AOPEP: variants seen among roughly 807,000 people sequenced by gnomAD.
AOPEP encodes aminopeptidase O.
Under a neutral mutation model 98.1 loss-of-function variants are expected in AOPEP, and 77 were observed. That is an observed-to-expected ratio of 0.78 (90% confidence interval 0.65 to 0.95). The LOEUF (loss-of-function observed/expected upper bound fraction) is 0.95, where lower values mean the gene tolerates loss of function less well. Among genes scored for constraint, AOPEP ranks in the 40% least tolerant of loss-of-function variants. AOPEP has a pLI of 0.00. For missense variants in AOPEP, 1,024 were observed against 1,024.7 expected, an observed-to-expected ratio of 1.00 and a Z score of 0.01; for synonymous variants, 346 against 365.3, an observed-to-expected ratio of 0.95 and a Z score of 0.60.
chr9:95,129,172 C>T, the AOPEP span, among the ~76,000 whole-genome samples: 1 of 152,128 alleles, frequency 6.6e-6, no homozygotes, highest in Non-Finnish European at 1.5e-5. Flanking sequence ...CCTTGCTACC[C>T]CTACAGCTGT....
chr9:94,853,613 A>G (rs1336791577), intron 5 of AOPEP, among the ~76,000 whole-genome samples: 2 of 152,212 alleles, frequency 1.3e-5, no homozygotes, highest in Non-Finnish European at 2.9e-5. Context: ...TATCCAAAAT[A>G]GTGGTTTTTC....
chr9:95,065,382 C>T (rs934260080), intron 14 of AOPEP: 3 of 152,244 alleles, frequency 2.0e-5, no homozygotes, highest in African/African-American at 4.8e-5. Context: ...GCCTCTGCCC[C>T]GTAGGACACC....
chr9:95,022,504 ATT>A (rs915258153), intron 13 of AOPEP, among the ~76,000 whole-genome samples: 1 of 151,900 alleles, frequency 6.6e-6, no homozygotes, highest in Non-Finnish European at 1.5e-5. Flanking sequence ...TGCCTGGCTA[ATT>A]TTTTTTGTAT....
At chr9:94,983,322 C>T (rs1034243135) in intron 11 of AOPEP, among the ~76,000 whole-genome samples, 8 of 152,194 alleles carry the variant, frequency 5.3e-5, no homozygotes, top group African/African-American at 1.9e-4. Flanking sequence ...CCAGTTTCTA[C>T]AGAACTCTGA....
chr9:95,004,662 G>A (rs1366928230), intron 11 of AOPEP, among the ~76,000 whole-genome samples: 2 of 151,580 alleles, frequency 1.3e-5, no homozygotes, highest in African/African-American at 4.8e-5. Flanking sequence ...CGGGCGGCGC[G>A]GGCCCCTCTC....
At chr9:94,960,377 C>G (rs561607406) in intron 9 of AOPEP, among the ~76,000 whole-genome samples, 206 of 149,896 alleles carry the variant, frequency 1.4e-3, no homozygotes, top group African/African-American at 4.9e-3. Flanking sequence ...CGCCACTGCA[C>G]TCCAGCCTGG....
At chr9:95,108,277 C>T in the AOPEP span, among the ~76,000 whole-genome samples, 7 of 152,332 alleles carry the variant, frequency 4.6e-5, no homozygotes, top group East Asian at 3.9e-4. Flanking sequence ...CCACGGGGAG[C>T]GGCAGCGCTC....
intron 6 of AOPEP, among the ~76,000 whole-genome samples, chr9:94,927,279 G>A (rs989424748): frequency 6.6e-6 from 1 of 152,190 alleles, no homozygotes; most frequent in Non-Finnish European, 1.5e-5. Flanking sequence ...CTCCTTGAAA[G>A]CCTTATCTCC....
At chr9:94,795,061 C>T (rs1469865091) in intron 4 of AOPEP, among the ~76,000 whole-genome samples, 1 of 152,132 alleles carries the variant, frequency 6.6e-6, no homozygotes, top group Non-Finnish European at 1.5e-5. Flanking sequence ...TCATTTAGTC[C>T]TAAGGATAAG....
At chr9:94,937,292 C>G (rs922307946) in intron 7 of AOPEP, among the ~76,000 whole-genome samples, 7 of 152,236 alleles carry the variant, frequency 4.6e-5, no homozygotes, top group African/African-American at 1.7e-4. Flanking sequence ...AGGACAAAAA[C>G]CAAATATACA....
At chr9:94,809,830 C>T (rs1177749584) in intron 5 of AOPEP, 1 of 154,192 alleles carries the variant, frequency 6.5e-6, no homozygotes, top group African/African-American at 2.4e-5. Context: ...TAAATTCTGT[C>T]ACTTTTATCC....
In AOPEP at chr9:94,772,999, C is replaced by T. The variant is rs928867394; in HGVS notation, c.798-3C>T. ...CCTTTCTTTCTTTGTCTCTCTTCTG[C>T]AGGCCATGTGTTTATACTGTGGGAT... On this transcript the variant is annotated splice_region_variant and splice_polypyrimidine_tract_variant and intron_variant, in intron 2 of 16. Transcript: ENST00000375315. The T allele has an allele frequency of 1.3e-6, 2 of 1,583,476 alleles. No individual in the cohort carries two copies. The highest frequency in any genetic ancestry group is 1.8e-5 in the Admixed American group (1 of 55,984).
At chr9:95,144,049 A>C in the AOPEP span, among the ~76,000 whole-genome samples, 1 of 152,186 alleles carries the variant, frequency 6.6e-6, no homozygotes, top group East Asian at 1.9e-4. Context: ...GTGGTAAGCA[A>C]ATAGTTGGAA....
At chr9:94,968,623 C>T (rs1383594294) in intron 10 of AOPEP, among the ~76,000 whole-genome samples, 4 of 152,176 alleles carry the variant, frequency 2.6e-5, no homozygotes, top group South Asian at 4.1e-4. Context: ...GTGATCCACC[C>T]GCCTTGGCCT....
chr9:95,041,366 A>C (rs186245322), intron 13 of AOPEP, among the ~76,000 whole-genome samples: 121 of 152,118 alleles, frequency 8.0e-4, no homozygotes, highest in African/African-American at 2.7e-3. Flanking sequence ...GATTTAAAAA[A>C]AAAAAATCAT....
chr9:95,130,090 C>T, the AOPEP span, among the ~76,000 whole-genome samples: 3 of 152,308 alleles, frequency 2.0e-5, no homozygotes, highest in South Asian at 6.2e-4. Context: ...GAGAGGCCAA[C>T]TTGTCACTCT....
At chr9:95,103,627 C>T in the AOPEP span, among the ~76,000 whole-genome samples, 1 of 152,144 alleles carries the variant, frequency 6.6e-6, no homozygotes, top group African/African-American at 2.4e-5. Flanking sequence ...AGGCCAGGAG[C>T]CAGAGAGGCA....
intron 10 of AOPEP, among the ~76,000 whole-genome samples, chr9:94,976,529 C>T (rs2059851580): frequency 6.6e-6 from 1 of 152,204 alleles, no homozygotes; most frequent in Admixed American, 6.5e-5. Flanking sequence ...CTTTACCTCC[C>T]TTGTGGGCTC....
rs1386409503 is a variant in AOPEP, at chr9:94,760,136, A to T, written c.353A>T (p.Asn118Ile). 1 of 1,614,218 alleles carries T rather than the reference A, an allele frequency of 6.2e-7. No individual in the cohort carries two copies. The highest frequency in any genetic ancestry group is 8.5e-7 in the Non-Finnish European group (1 of 1,180,032). The part of the protein sequence containing the change: ...DTSDKDGNHD[N>I]QEHASGISSS... ...TCTGATAAAGATGGTAACCATGACAACCAGGAACATGCTTCTGGGATTTCT... is the reference window on the plus strand; with the variant it reads ...TCTGATAAAGATGGTAACCATGACATCCAGGAACATGCTTCTGGGATTTCT... The change falls in exon 2 of 17, where the codon AAC becomes ATC. Residue 118 changes from asparagine (N) to isoleucine (I), a missense_variant. By Grantham distance (149) the Asn-to-Ile change is moderately radical (BLOSUM62 -3). Transcript: ENST00000375315.
Sources: allele counts gnomAD v4.1 joint callset (sites outside exome capture counted in the v4.1 genomes callset), GRCh38; gene constraint gnomAD v4.1.1; transcripts MANE v1.5; gene names NCBI Gene and HGNC (gene_info 2026-07-23, HGNC 2026-07-21).